Variants in RYR2 observed in about 807,000 individuals in gnomAD.
RYR2 encodes ryanodine receptor 2.
A neutral mutation model predicts 601.1 loss-of-function variants in RYR2; 227 were observed. The observed-to-expected ratio is 0.38, with a 90% CI of 0.34 to 0.42. The LOEUF is 0.42. RYR2 is among the 10% of genes least tolerant of loss of function. RYR2 has a pLI of 1.00. For synonymous variants in RYR2, 2,223 were observed against 2,175.1 expected (o/e 1.02, Z -0.61); for missense variants, 4,646 against 6,156.5 (o/e 0.75, Z 8.21).
At position 237,233,796 on chromosome 1, in the gene RYR2, A is replaced by C. The variant is rs369416810; in HGVS notation, c.49-36701A>C. Among the ~76,000 whole-genome samples the C allele has an allele frequency of 3.9e-5, 6 of 152,014 alleles. No homozygotes were observed. The East Asian group carries it at 5.8e-4, about 15-fold the overall frequency. On this transcript the variant is annotated intron_variant, in intron 1 of 104. Coordinates refer to ENST00000366574, the MANE Select transcript of RYR2 (RefSeq NM_001035.3). The stretch of plus-strand genomic sequence containing the variant: ...CAGCCTCCTGAGTAGCTGGGATTAC[A>C]GGCATGCGCCACCACACCCAGCTGC...
In RYR2 at chr1:237,082,524, C is replaced by CATATATATATATATATATATATATAT. The variant is rs71561856; in HGVS notation, c.48+39963_48+39988dup. Among the ~76,000 whole-genome samples, 71 of 79,972 alleles carry CATATATATATATATATATATATATAT rather than the reference C, an allele frequency of 8.9e-4. 1 individual carries two copies. Among genetic ancestry groups the CATATATATATATATATATATATATAT allele is most frequent in the East Asian group, 1.5e-3 (4 of 2,728 alleles). The allele number at this position is 79,972 out of a possible 152,430, so 52.5% of individuals were successfully genotyped here. A position where few individuals can be genotyped will look rare whatever the true frequency, so the allele number is the denominator to read the frequency against. On this transcript the variant is annotated intron_variant, in intron 1 of 104. Coordinates refer to ENST00000366574, the MANE Select transcript of RYR2 (RefSeq NM_001035.3). ...TGTTATATTCTTTCAAATAGGAAAA[C>CATATATATATATATATATATATATAT]ATATATATATATATATATATATATA... is the stretch of plus-strand genomic sequence containing the variant.
chr1:237,295,663 G>A (rs937605752), intron 2 of RYR2, among the ~76,000 whole-genome samples: 5 of 152,050 alleles, frequency 3.3e-5, no homozygotes, highest in African/African-American at 9.7e-5. Context: ...TATTTTTACC[G>A]CTAGAATCTC....
chr1:237,394,456 G>A (rs950733492), intron 10 of RYR2, among the ~76,000 whole-genome samples: 4 of 152,188 alleles, frequency 2.6e-5, no homozygotes, highest in African/African-American at 7.2e-5. Flanking sequence ...TTGGGATGCT[G>A]GTTAGGCAAG....
At chr1:237,438,699 A>G (rs2150135064) in intron 12 of RYR2, among the ~76,000 whole-genome samples, 1 of 152,344 alleles carries the variant, frequency 6.6e-6, no homozygotes, top group African/African-American at 2.4e-5. Flanking sequence ...ATATCCTCTG[A>G]TACCTCAAGC....
intron 1 of RYR2, among the ~76,000 whole-genome samples, chr1:237,250,173 G>A (rs940890856): frequency 1.3e-5 from 2 of 152,192 alleles, no homozygotes; most frequent in African/African-American, 4.8e-5. Context: ...GGGGAGACGG[G>A]CACACTGCTC....
chr1:237,313,601 T>C (rs1694791782), intron 2 of RYR2, among the ~76,000 whole-genome samples: 1 of 152,212 alleles, frequency 6.6e-6, no homozygotes, highest in Admixed American at 6.5e-5. Context: ...ATTTTTACTT[T>C]AGCCTAATTA....
intron 101 of RYR2, among the ~76,000 whole-genome samples, chr1:237,821,276 C>G (rs1285274831): frequency 6.6e-6 from 1 of 152,074 alleles, no homozygotes; most frequent in African/African-American, 2.4e-5. Context: ...TACAGGAGAG[C>G]CCTGGCTGAT....
rs1573822547 is a variant in RYR2, at chr1:237,756,531, T to C, written c.11245+144T>C. On this transcript the variant is annotated intron_variant, in intron 81 of 104. Transcript: ENST00000366574. ...ACTATATCAGGTGCCTATTCACAAA[T>C]ACGAGCTCTCATTGTTTACGGAGAC... 5.6e-6 allele frequency: 3 copies of C among 537,540 alleles called. No individual in the cohort carries two copies. In the East Asian group the frequency reaches 8.9e-5, roughly 16 times the overall value. The allele number at this position is 537,540 out of a possible 1,614,324, so 33.3% of individuals were successfully genotyped here.
intron 29 of RYR2, among the ~76,000 whole-genome samples, chr1:237,578,833 T>C (rs1437391242): frequency 6.6e-6 from 1 of 152,078 alleles, no homozygotes; most frequent in Non-Finnish European, 1.5e-5. Flanking sequence ...TGCCTGCATC[T>C]TTGGGATAAG....
intron 50 of RYR2, among the ~76,000 whole-genome samples, 180 bp from the exon 51 acceptor site, chr1:237,651,231 C>G (rs1158967505): frequency 6.6e-6 from 1 of 152,138 alleles, no homozygotes; most frequent in Admixed American, 6.5e-5. Context: ...GTTGGGAAAT[C>G]TAACCTTATA....
At chr1:237,585,968 G>A (rs1231214145) in intron 29 of RYR2, among the ~76,000 whole-genome samples, 1 of 152,120 alleles carries the variant, frequency 6.6e-6, no homozygotes, top group East Asian at 1.9e-4. Flanking sequence ...CCACTACACA[G>A]AGAAAAAATT....
chr1:237,099,251 T>C (rs574904525), intron 1 of RYR2, among the ~76,000 whole-genome samples: 1 of 152,046 alleles, frequency 6.6e-6, no homozygotes, highest in Admixed American at 6.5e-5. Context: ...TTAAAAAAAA[T>C]ATTTGAGACA....
chr1:237,360,722 A>G (rs1034839276), intron 4 of RYR2, among the ~76,000 whole-genome samples: 23 of 152,192 alleles, frequency 1.5e-4, no homozygotes, highest in Non-Finnish European at 3.1e-4. Flanking sequence ...GGGCATTTCA[A>G]TAGAATGTAT....
At chr1:237,230,182 A>T (rs963791299) in intron 1 of RYR2, among the ~76,000 whole-genome samples, 1 of 152,236 alleles carries the variant, frequency 6.6e-6, no homozygotes, top group South Asian at 2.1e-4. Context: ...AACTAACAAA[A>T]GAAAACCAAA....
intron 29 of RYR2, among the ~76,000 whole-genome samples, chr1:237,574,391 A>G (rs1673017053): frequency 6.6e-6 from 1 of 152,178 alleles, no homozygotes; most frequent in Admixed American, 6.5e-5. Context: ...GATTGCTTCT[A>G]GGAATCTTTC....
At chr1:237,246,066 C>T (rs1212399955) in intron 1 of RYR2, among the ~76,000 whole-genome samples, 5 of 151,434 alleles carry the variant, frequency 3.3e-5, no homozygotes, top group Admixed American at 6.6e-5. Context: ...AGGCGTGAGC[C>T]ACCACACCTG....
intron 2 of RYR2, among the ~76,000 whole-genome samples, chr1:237,316,737 A>G (rs918240): frequency 0.09 from 13,707 of 151,772 alleles, 1,206 homozygotes; most frequent in African/African-American, 0.23. Flanking sequence ...TTTTTTCCCT[A>G]GTTTAGGTTC....
chr1:237,233,601 C>T (rs987740710), intron 1 of RYR2, among the ~76,000 whole-genome samples: 1 of 152,146 alleles, frequency 6.6e-6, no homozygotes, highest in African/African-American at 2.4e-5. Context: ...TAGAACTTAG[C>T]ATATGCATGT....
At chr1:237,492,891 G>GGGAGGGAA in intron 18 of RYR2, 63 bp from the exon 19 acceptor site, 1 of 1,481,678 alleles carries the variant, frequency 6.7e-7, no homozygotes, top group African/African-American at 1.5e-5. Flanking sequence ...AAGGAAGGGA[G>GGGAGGGAA]GGAGGGAGGG....
Sources: gnomAD v4.1 joint callset for allele counts (sites outside exome capture counted in the v4.1 genomes callset) on GRCh38, gnomAD v4.1.1 for gene constraint, MANE v1.5 for transcripts, NCBI Gene and HGNC (gene_info 2026-07-23, HGNC 2026-07-21) for gene names.